The following PUM2 variants were observed in gnomAD, a reference collection of about 807,000 sequenced individuals.
PUM2 encodes pumilio RNA binding family member 2.
Under a neutral mutation model 124.5 loss-of-function variants are expected in PUM2, and 57 were observed. That is an observed-to-expected ratio of 0.46 (90% CI 0.37 to 0.57). The LOEUF is 0.57. Among genes scored for constraint, PUM2 ranks in the 20% least tolerant of loss-of-function variants. PUM2 has a pLI of 0.00. For synonymous variants in PUM2, 460 were observed against 446.1 expected (o/e 1.03, Z -0.39); for missense variants, 1,065 against 1,290.6 (o/e 0.83, Z 2.68).
In PUM2 at chr2:20,318,573, C is replaced by A; in HGVS notation, c.124G>T (p.Asp42Tyr). The A allele has an allele frequency of 6.2e-7, 1 of 1,613,588 alleles. No individual in the cohort carries two copies. The highest frequency in any genetic ancestry group is 1.1e-5 in the South Asian group (1 of 91,008). ...CATGCAGTCTCTCTCCATTCATCAT[C>A]CCCAAGAAATATGCCTTTTTGTCCA... ...KDGQKGIFLG[D>Y]DEWRETAWGA... The change falls in exon 3 of 21, where the codon GAT becomes TAT. Residue 42 changes from aspartate to tyrosine, a missense_variant. By Grantham distance (160) the Asp-to-Tyr change is radical. Transcript: ENST00000361078.
At chr2:20,265,790 A>G (rs1459089463) in intron 13 of PUM2, among the ~76,000 whole-genome samples, 3 of 151,986 alleles carry the variant, frequency 2.0e-5, no homozygotes, top group African/African-American at 7.3e-5. Context: ...TTTTCACACA[A>G]ATTTCTTAGT....
Position 20,350,643 on chromosome 2 carries a change from G to A in PUM2, c.-65C>T. 1.0e-6 allele frequency: 1 copy of A among 985,448 alleles called. No individual in the cohort carries two copies. Among genetic ancestry groups the A allele is most frequent in the Non-Finnish European group, 1.2e-6 (1 of 830,002 alleles). 61.0% of individuals were successfully genotyped at this position (985,448 alleles called of 1,614,324 possible). A position where few individuals can be genotyped will look rare whatever the true frequency, so the allele number is the denominator to read the frequency against. Reference sequence around the variant, plus strand: ...CCTCAGCCGGGGACACCGACCGTTGGGCACACGGCGGCGTCGCTCTTGGCG... The same window carrying A: ...CCTCAGCCGGGGACACCGACCGTTGAGCACACGGCGGCGTCGCTCTTGGCG... On this transcript the variant is annotated 5_prime_UTR_variant, in exon 1 of 21. Transcript: ENST00000361078.
chr2:20,345,709 CA>C (rs1688119399), intron 1 of PUM2, among the ~76,000 whole-genome samples: 1 of 151,876 alleles, frequency 6.6e-6, no homozygotes, highest in Admixed American at 6.6e-5. Flanking sequence ...CCATCTCTTC[CA>C]AAAATACAAA....
chr2:20,346,906 GACT>G (rs1199927423), intron 1 of PUM2, among the ~76,000 whole-genome samples: 4 of 152,144 alleles, frequency 2.6e-5, no homozygotes, highest in African/African-American at 9.7e-5. Context: ...AATAGGTGAT[GACT>G]ACCTTTTTTT....
At chr2:20,290,543 A>T in intron 10 of PUM2, 109 bp downstream of exon 10, 1 of 1,174,594 alleles carries the variant, frequency 8.5e-7, no homozygotes, top group Admixed American at 3.0e-5. Context: ...TTTTGTTACA[A>T]GGTAGGCAAG....
chr2:20,320,486 T>C (rs995128150), intron 2 of PUM2, among the ~76,000 whole-genome samples: 4 of 151,990 alleles, frequency 2.6e-5, no homozygotes, highest in African/African-American at 9.7e-5. Flanking sequence ...AGAGAAGAAA[T>C]TCAATTTGAG....
intron 13 of PUM2, among the ~76,000 whole-genome samples, chr2:20,266,349 T>C (rs1009837669): frequency 6.6e-6 from 1 of 151,646 alleles, no homozygotes; most frequent in African/African-American, 2.4e-5. Flanking sequence ...GAGGGTGAGG[T>C]TGCGAGGATC....
Position 20,263,452 on chromosome 2 carries a change from T to A in PUM2, c.1966A>T (p.Thr656Ser). The change falls in exon 14 of 21, where the codon ACA becomes TCA. Residue 656 changes from threonine (T) to serine (S), a missense_variant. Thr to Ser is a moderately conservative substitution (Grantham distance 58). Around this residue, in one of 3 missense-constraint regions of PUM2, gnomAD observed 968 missense variants for 1,159.8 expected, o/e 0.83. Transcript: ENST00000361078. Reference sequence around the variant, plus strand: ...GAGATATATCGACCACTACCATTTGTCAGTCCTCCTACAACAAAGCAGCTA... The same window carrying A: ...GAGATATATCGACCACTACCATTTGACAGTCCTCCTACAACAAAGCAGCTA... Reference protein sequence around the residue: ...SSSSLHLGGLTNGSGRYISAA... With the variant: ...SSSSLHLGGLSNGSGRYISAA... The A allele has an allele frequency of 6.2e-7, 1 of 1,609,752 alleles. No individual in the cohort carries two copies.
intron 14 of PUM2, among the ~76,000 whole-genome samples, chr2:20,261,394 CAAAAAAAA>C (rs200294801): frequency 0.01 from 776 of 76,640 alleles, 13 homozygotes; most frequent in African/African-American, 0.041. Flanking sequence ...ACTCTGTCTC[CAAAAAAAA>C]AAAAAAAAAA....
At chr2:20,312,507 A>G in intron 3 of PUM2, 84 bp from the exon 4 acceptor site, 1 of 1,221,012 alleles carries the variant, frequency 8.2e-7, no homozygotes, top group Non-Finnish European at 1.1e-6. Flanking sequence ...GAAGTAAGAA[A>G]AATCAGCACA....
At chr2:20,312,454 T>C in intron 3 of PUM2, 31 bp from the exon 4 acceptor site, 1 of 1,560,400 alleles carries the variant, frequency 6.4e-7, no homozygotes, top group African/African-American at 1.4e-5. Context: ...AATTATATAC[T>C]TATACTTTTA....
chr2:20,300,754 T>C (rs566362713), intron 7 of PUM2, among the ~76,000 whole-genome samples: 5 of 150,232 alleles, frequency 3.3e-5, no homozygotes, highest in Admixed American at 6.6e-5. Flanking sequence ...TCCCATTCTA[T>C]TCCTAAATAA....
chr2:20,276,223 T>C (rs62123446), intron 13 of PUM2, among the ~76,000 whole-genome samples: 5,272 of 151,786 alleles, frequency 0.035, 91 homozygotes, highest in Middle Eastern at 0.068. Flanking sequence ...TAAAAATACA[T>C]GTGTTGGTTA....
At chr2:20,292,266 C>T (rs974978569) in intron 9 of PUM2, among the ~76,000 whole-genome samples, 4 of 150,938 alleles carry the variant, frequency 2.7e-5, no homozygotes, top group Non-Finnish European at 4.4e-5. Flanking sequence ...CAGAGCTTAG[C>T]GCCGTCAGGC....
intron 8 of PUM2, 31 bp downstream of exon 8, chr2:20,297,522 C>G (rs1675909934): frequency 6.6e-7 from 1 of 1,507,560 alleles, no homozygotes; most frequent in African/African-American, 1.4e-5. Flanking sequence ...TAAAAAGCAA[C>G]CATAATAAAG....
chr2:20,303,013 T>C (rs1197633290), intron 7 of PUM2, among the ~76,000 whole-genome samples: 1 of 152,156 alleles, frequency 6.6e-6, no homozygotes, highest in Non-Finnish European at 1.5e-5. Flanking sequence ...GCTGAGGACT[T>C]CCCAGGCCTC....
In PUM2 at chr2:20,308,031, G is replaced by C; in HGVS notation, c.830C>G (p.Thr277Ser). Residue 277 changes from threonine (T) to serine (S), a missense_variant, in exon 7 of 21, where the codon ACT becomes AGT. Physicochemically the swap from Thr to Ser is moderately conservative, Grantham distance 58. Around this residue, in one of 3 missense-constraint regions of PUM2, gnomAD observed 968 missense variants for 1,159.8 expected, o/e 0.83. Transcript: ENST00000361078. Reference sequence around the variant, plus strand: ...TGCATATTGCTGCTGTTGAGCTGCAGTTAACTGTTGAACTGTTAGTGCATT... The same window carrying C: ...TGCATATTGCTGCTGTTGAGCTGCACTTAACTGTTGAACTGTTAGTGCATT... ...RTNALTVQQL[T>S]AAQQQQYALA... 1 of 1,613,266 alleles carries C rather than the reference G, an allele frequency of 6.2e-7. No individual in the cohort carries two copies. The highest frequency in any genetic ancestry group is 8.5e-7 in the Non-Finnish European group (1 of 1,179,236).
chr2:20,300,093 T>C (rs922516704), intron 7 of PUM2, among the ~76,000 whole-genome samples: 2 of 152,122 alleles, frequency 1.3e-5, no homozygotes, highest in Admixed American at 6.5e-5. Context: ...TGGAGAGGTA[T>C]AATGAAGCAT....
At chr2:20,265,081 C>T (rs1667316626) in intron 13 of PUM2, among the ~76,000 whole-genome samples, 1 of 151,970 alleles carries the variant, frequency 6.6e-6, no homozygotes, top group Non-Finnish European at 1.5e-5. Flanking sequence ...AATCCCACCT[C>T]TACTAAAAAT....
Sources: allele counts gnomAD v4.1 joint callset (sites outside exome capture counted in the v4.1 genomes callset), GRCh38; gene constraint gnomAD v4.1.1; regional missense constraint gnomAD v4.1.1; transcripts MANE v1.5; gene names NCBI Gene and HGNC (gene_info 2026-07-23, HGNC 2026-07-21).